The following FAAH2 variants were observed in gnomAD, a reference collection of about 807,000 sequenced individuals.
The protein encoded by FAAH2 is fatty-acid amide hydrolase 2.
Under a neutral mutation model 36.9 loss-of-function variants are expected in FAAH2, and 60 were observed. The observed-to-expected ratio is 1.63, with a 90% CI of 1.32 to 2.02. The LOEUF is 2.02. Ranked by LOEUF, FAAH2 falls within the 30% of genes most tolerant of loss-of-function variation. The probability of loss-of-function intolerance (pLI) is 0.00; values close to 1 mark genes in which losing one functional copy is unlikely to be tolerated. For missense variants in FAAH2, 689 were observed against 397.5 expected, an observed-to-expected ratio of 1.73 and a Z score of -6.23; for synonymous variants, 214 against 143.8, an observed-to-expected ratio of 1.49 and a Z score of -3.49.
chrX:57,149,897 A>C, the FAAH2 span, among the ~76,000 whole-genome samples: 1 of 111,552 alleles, frequency 9.0e-6, no homozygotes, highest in Non-Finnish European at 1.9e-5. Context: ...GTGGGCATTT[A>C]GTGCTATAAA....
chrX:57,146,052 T>C, the FAAH2 span, among the ~76,000 whole-genome samples: 2 of 109,979 alleles, frequency 1.8e-5, no homozygotes, highest in Non-Finnish European at 3.8e-5. Context: ...ATGCAGGCTC[T>C]TTTTTTGGTT....
At chrX:57,152,139 C>A in the FAAH2 span, among the ~76,000 whole-genome samples, 5 of 111,870 alleles carry the variant, frequency 4.5e-5, no homozygotes, top group African/African-American at 1.6e-4. Context: ...AGTTTTGTCT[C>A]AGAGGGGTAC....
the FAAH2 span, among the ~76,000 whole-genome samples, chrX:57,250,049 T>C: frequency 2.6e-4 from 29 of 112,227 alleles, no homozygotes; most frequent in African/African-American, 8.4e-4. Flanking sequence ...ACAAAGGCCA[T>C]AGACATTGAA....
chrX:57,402,318 A>G (rs1350493079), intron 7 of FAAH2, among the ~76,000 whole-genome samples: 1 of 111,758 alleles, frequency 8.9e-6, no homozygotes, highest in Non-Finnish European at 1.9e-5. Context: ...TGTAGACCAC[A>G]CTGGAAGCAA....
chrX:57,302,171 A>T (rs1174550211), intron 2 of FAAH2, among the ~76,000 whole-genome samples: 1 of 111,570 alleles, frequency 9.0e-6, no homozygotes, highest in Non-Finnish European at 1.9e-5. Flanking sequence ...AGATGTCAAG[A>T]CTCAAAATAC....
the FAAH2 span, among the ~76,000 whole-genome samples, chrX:57,163,935 A>G: frequency 8.9e-6 from 1 of 112,444 alleles, no homozygotes; most frequent in African/African-American, 3.2e-5. Context: ...CAAATGGAAA[A>G]CAAAACAAAT....
chrX:57,179,086 C>T, the FAAH2 span, among the ~76,000 whole-genome samples: 2 of 111,590 alleles, frequency 1.8e-5, no homozygotes, highest in East Asian at 2.8e-4. Flanking sequence ...GAATTCATTA[C>T]CTCCAGACCT....
chrX:57,242,455 A>T, the FAAH2 span, among the ~76,000 whole-genome samples: 1 of 112,349 alleles, frequency 8.9e-6, no homozygotes, highest in Admixed American at 9.4e-5. Flanking sequence ...AAACCCATCC[A>T]GGCATGGCTG....
chrX:57,339,872 A>AT (rs1326625592), intron 4 of FAAH2, among the ~76,000 whole-genome samples: 1 of 111,812 alleles, frequency 8.9e-6, no homozygotes, highest in African/African-American at 3.3e-5. Flanking sequence ...CAGAAATACC[A>AT]TTTTACCCAG....
intron 7 of FAAH2, among the ~76,000 whole-genome samples, chrX:57,428,374 A>G (rs1364304572): frequency 3.0e-5 from 2 of 66,411 alleles, no homozygotes; most frequent in Non-Finnish European, 8.8e-5. Context: ...GTAATTTTGC[A>G]CAGAATTAGA....
At chrX:57,407,253 A>G (rs1033604970) in intron 7 of FAAH2, among the ~76,000 whole-genome samples, 4 of 111,955 alleles carry the variant, frequency 3.6e-5, no homozygotes, top group Admixed American at 9.4e-5. Context: ...TCCATGGGCA[A>G]GATGGTGGCT....
At chrX:57,371,126 G>A (rs773033164) in intron 5 of FAAH2, among the ~76,000 whole-genome samples, 34 of 111,487 alleles carry the variant, frequency 3.0e-4, no homozygotes, top group Middle Eastern at 4.6e-3. Context: ...ATTTTAGATT[G>A]AGGGAGTACA....
At chrX:57,443,428 G>A (rs1305281532) in intron 8 of FAAH2, among the ~76,000 whole-genome samples, 2 of 112,006 alleles carry the variant, frequency 1.8e-5, no homozygotes, top group Non-Finnish European at 3.8e-5. Context: ...CATTCATCAC[G>A]TAGTTCTCGT....
chrX:57,138,967 G>A, the FAAH2 span, among the ~76,000 whole-genome samples: 2 of 111,463 alleles, frequency 1.8e-5, no homozygotes, highest in Non-Finnish European at 1.9e-5. Flanking sequence ...TATTAATCCC[G>A]TCAGTTGAAT....
At chrX:57,396,475 A>T (rs1484583634) in intron 7 of FAAH2, among the ~76,000 whole-genome samples, 1 of 107,964 alleles carries the variant, frequency 9.3e-6, no homozygotes, top group Non-Finnish European at 1.9e-5. Flanking sequence ...ATTTAATGCC[A>T]TGATTTTTCC....
At chrX:57,235,154 G>C in the FAAH2 span, among the ~76,000 whole-genome samples, 1 of 111,248 alleles carries the variant, frequency 9.0e-6, no homozygotes, top group Non-Finnish European at 1.9e-5. Context: ...TTAGTCCCTT[G>C]TCTAATCCAA....
rs761970184 is a variant in FAAH2, at chrX:57,341,278, G to A, written c.630G>A (p.Glu210=). The A allele has an allele frequency of 8.3e-7, 1 of 1,206,431 alleles. No homozygotes were observed. Among genetic ancestry groups the A allele is most frequent in the African/African-American group, 1.8e-5 (1 of 57,016 alleles). The change falls in exon 5 of 11, where the codon GAG becomes GAA. Residue 210 remains glutamate, a synonymous_variant. Coordinates refer to ENST00000374900, the MANE Select transcript of FAAH2 (RefSeq NM_174912.4). ...ATTTTGTGTTTCTTGTAGGTGGTGA[G>A]GGCTGCACACTGGCAGCTGCCTGCT... ...QHIVGGSSGG[E]GCTLAAACSV... is the part of the protein sequence containing the mutation.
the FAAH2 span, among the ~76,000 whole-genome samples, chrX:57,162,506 CG>C: frequency 2.7e-5 from 3 of 111,813 alleles, no homozygotes; most frequent in Non-Finnish European, 5.6e-5. Context: ...ACCAATCAGA[CG>C]TAGATTTGGT....
chrX:57,477,677 T>C (rs1385054871), intron 10 of FAAH2, among the ~76,000 whole-genome samples: 18 of 101,216 alleles, frequency 1.8e-4, no homozygotes, highest in Non-Finnish European at 1.4e-4. Context: ...GTAAGATGTT[T>C]CCCTTCCTGT....
Sources: gnomAD v4.1 joint callset for allele counts (sites outside exome capture counted in the v4.1 genomes callset) on GRCh38, gnomAD v4.1.1 for gene constraint, MANE v1.5 for transcripts, NCBI Gene and HGNC (gene_info 2026-07-23, HGNC 2026-07-21) for gene names.